RIN2: variants seen among roughly 807,000 people sequenced by gnomAD.
The protein encoded by RIN2 is RAB5 interacting protein 2.
A neutral mutation model predicts 78.0 loss-of-function variants in RIN2; 36 were observed. The ratio of observed to expected loss-of-function variants is 0.46; its 90% confidence interval spans 0.35 to 0.61. The LOEUF is 0.61. Among genes scored for constraint, RIN2 ranks in the 20% least tolerant of loss-of-function variants. RIN2 has a pLI of 0.00. For missense variants in RIN2, 1,087 were observed against 1,159.7 expected (o/e 0.94, Z 0.91); for synonymous variants, 466 against 466.8 (o/e 1.00, Z 0.02).
chr20:19,825,904 G>A (rs1330255248), intron 2 of RIN2, among the ~76,000 whole-genome samples: 1 of 152,076 alleles, frequency 6.6e-6, no homozygotes, highest in Non-Finnish European at 1.5e-5. Context: ...TATTTCATCT[G>A]GTCCTATCTT....
chr20:19,802,061 A>C (rs917478290), intron 2 of RIN2, among the ~76,000 whole-genome samples: 2 of 152,232 alleles, frequency 1.3e-5, no homozygotes, highest in African/African-American at 4.8e-5. Context: ...AAATATTTTC[A>C]AGAGGGGAAA....
chr20:19,776,327 A>C (rs1187136632), intron 1 of RIN2, among the ~76,000 whole-genome samples: 2 of 152,218 alleles, frequency 1.3e-5, no homozygotes, highest in Non-Finnish European at 2.9e-5. Flanking sequence ...CTTCTCTCTG[A>C]AGCTTGCTAC....
chr20:19,804,743 C>T (rs35306491), intron 2 of RIN2, among the ~76,000 whole-genome samples: 16,140 of 152,130 alleles, frequency 0.11, 919 homozygotes, highest in South Asian at 0.18. Context: ...CCCTCCTTTT[C>T]AATTGTTTGG....
Position 20,001,011 on chromosome 20 carries a change from A to G in RIN2, c.*75A>G. ...TTGCCTTCCCGCTTCTACATGCTTG[A>G]GCTTGAAAAGCAGTCACCTCCTCGG... On this transcript the variant is annotated 3_prime_UTR_variant, in exon 13 of 13. Transcript: ENST00000255006. 1.4e-6 allele frequency: 2 copies of G among 1,382,672 alleles called. No homozygotes were observed. The highest frequency in any genetic ancestry group is 2.0e-6 in the Non-Finnish European group (2 of 1,016,810). 85.7% of individuals were successfully genotyped at this position (1,382,672 alleles called of 1,614,324 possible).
chr20:19,805,220 T>C (rs2122744418), intron 2 of RIN2, among the ~76,000 whole-genome samples: 1 of 152,162 alleles, frequency 6.6e-6, no homozygotes, highest in East Asian at 1.9e-4. Context: ...TGAAGCACAA[T>C]GAGGGAGTAG....
At chr20:19,997,475 A>C (rs1054528518) in intron 12 of RIN2, among the ~76,000 whole-genome samples, 11 of 152,118 alleles carry the variant, frequency 7.2e-5, no homozygotes, top group African/African-American at 2.7e-4. Context: ...ATCTTTACCC[A>C]AGGCCAGGCA....
intron 2 of RIN2, among the ~76,000 whole-genome samples, chr20:19,860,757 T>C (rs982504612): frequency 6.6e-6 from 1 of 152,250 alleles, no homozygotes; most frequent in Non-Finnish European, 1.5e-5. Flanking sequence ...GATAAGCTTG[T>C]CTTTTAATGG....
chr20:19,889,530 G>C, intron 2 of RIN2, 36 bp from the exon 3 acceptor site: 1 of 1,530,292 alleles, frequency 6.5e-7, no homozygotes, highest in Non-Finnish European at 8.9e-7. Flanking sequence ...ATTTCCTACA[G>C]GCTGGACTAA....
intron 3 of RIN2, among the ~76,000 whole-genome samples, chr20:19,905,030 C>T (rs2039157364): frequency 1.3e-5 from 2 of 152,182 alleles, no homozygotes; most frequent in South Asian, 2.1e-4. Flanking sequence ...TGATTTGCTT[C>T]CTCTATCTCT....
At chr20:19,782,124 A>T (rs2034529562) in intron 1 of RIN2, among the ~76,000 whole-genome samples, 1 of 152,078 alleles carries the variant, frequency 6.6e-6, no homozygotes. Flanking sequence ...ATGAATGGAG[A>T]ATTATTCATG....
chr20:19,769,129 C>G (rs369282508), intron 1 of RIN2, among the ~76,000 whole-genome samples: 2 of 152,128 alleles, frequency 1.3e-5, no homozygotes, highest in East Asian at 1.9e-4. Flanking sequence ...ACCATGTTGG[C>G]CAGGCTGGTC....
At chr20:19,832,264 G>A (rs945906754) in intron 2 of RIN2, among the ~76,000 whole-genome samples, 1 of 148,422 alleles carries the variant, frequency 6.7e-6, no homozygotes, top group South Asian at 2.2e-4. Flanking sequence ...GTGACTCCCA[G>A]ATGGCCTTGC....
chr20:19,989,980 CAT>C (rs747656833), intron 9 of RIN2, 24 bp from the exon 10 acceptor site: 36 of 1,506,926 alleles, frequency 2.4e-5, no homozygotes, highest in Non-Finnish European at 3.2e-5. Flanking sequence ...AGACAATAGT[CAT>C]AGTAGCTACA....
At chr20:19,874,905 G>C (rs995398352) in intron 2 of RIN2, among the ~76,000 whole-genome samples, 27 of 151,982 alleles carry the variant, frequency 1.8e-4, no homozygotes, top group African/African-American at 5.3e-4. Context: ...CCATCACCCA[G>C]ACTGGAGTGC....
intron 3 of RIN2, among the ~76,000 whole-genome samples, chr20:19,913,984 T>C (rs1261304524): frequency 2.6e-5 from 4 of 152,220 alleles, no homozygotes; most frequent in South Asian, 4.1e-4. Flanking sequence ...CATCTGCCCA[T>C]AGGCATATGC....
chr20:19,863,187 C>A lies in RIN2; in HGVS notation c.-36-26379C>A, dbSNP rs371850413. On this transcript the variant is annotated intron_variant, in intron 2 of 12. Coordinates refer to ENST00000255006, the MANE Select transcript of RIN2 (RefSeq NM_018993.4). Reference sequence around the variant, plus strand: ...GCAGCCTGTCATTTATGCATGTGGCCTCTGGAGTCAGCACTTGTCACTTCC... The same window carrying A: ...GCAGCCTGTCATTTATGCATGTGGCATCTGGAGTCAGCACTTGTCACTTCC... Among the ~76,000 whole-genome samples the A allele has an allele frequency of 1.3e-4, 20 of 152,294 alleles. No individual in the cohort carries two copies. In the South Asian group the frequency reaches 4.1e-3, roughly 32 times the overall value.
At chr20:19,838,075 A>G (rs2036474076) in intron 2 of RIN2, among the ~76,000 whole-genome samples, 1 of 152,240 alleles carries the variant, frequency 6.6e-6, no homozygotes, top group Non-Finnish European at 1.5e-5. Context: ...CTCAGATTTT[A>G]GTTAAAAAAC....
chr20:19,994,343 T>C (rs1420132257), intron 11 of RIN2, among the ~76,000 whole-genome samples: 1 of 152,226 alleles, frequency 6.6e-6, no homozygotes, highest in Non-Finnish European at 1.5e-5. Context: ...ATTGGACTTT[T>C]CCGTGCCTGC....
intron 3 of RIN2, among the ~76,000 whole-genome samples, chr20:19,918,230 C>T (rs868739034): frequency 6.7e-6 from 1 of 150,076 alleles, no homozygotes; most frequent in South Asian, 2.2e-4. Flanking sequence ...TTAAGGAAAC[C>T]AAAGGCCAGA....
Sources: gnomAD v4.1 joint callset for allele counts (sites outside exome capture counted in the v4.1 genomes callset) on GRCh38, gnomAD v4.1.1 for gene constraint, MANE v1.5 for transcripts, NCBI Gene and HGNC (gene_info 2026-07-23, HGNC 2026-07-21) for gene names.